HDLBP: variants seen among roughly 807,000 people sequenced by gnomAD.
HDLBP encodes vigilin.
HDLBP carries 30 observed loss-of-function variants against 137.3 expected under a neutral mutation model. The ratio of observed to expected loss-of-function variants is 0.22; its 90% CI spans 0.16 to 0.30. The LOEUF (loss-of-function observed/expected upper bound fraction) is 0.30. Ranked by LOEUF, HDLBP falls within the 10% of genes least tolerant of loss-of-function variation. The pLI, the probability that HDLBP is intolerant of heterozygous loss-of-function variation, is 1.00. For missense variants in HDLBP, 1,119 were observed against 1,667.3 expected, an observed-to-expected ratio of 0.67 and a Z score of 5.73; for synonymous variants, 606 against 596.0, an observed-to-expected ratio of 1.02 and a Z score of -0.24.
rs571924758 is a variant in HDLBP, at chr2:241,266,994, ACT to A, written c.-37-90_-37-89del. The A allele has an allele frequency of 2.4e-4, 233 of 982,238 alleles. 1 individual carries two copies. The African/African-American group carries it at 3.2e-3, about 13-fold the overall frequency. The allele number at this position is 982,238 out of a possible 1,614,324, so 60.8% of individuals were successfully genotyped here. A position where few individuals can be genotyped will look rare whatever the true frequency, so the allele number is the denominator to read the frequency against. ...AACCTAAGAGTTTTAGCAAAGTTTTACTCTCTTTTTTACCAGCAAACTATACC... is the reference window on the plus strand; with the variant it reads ...AACCTAAGAGTTTTAGCAAAGTTTTACTCTTTTTTACCAGCAAACTATACC... On this transcript the variant is annotated intron_variant, in intron 2 of 27. Coordinates refer to ENST00000310931, the MANE Select transcript of HDLBP (RefSeq NM_005336.6).
chr2:241,297,085 C>T (rs1393800089), intron 1 of HDLBP, among the ~76,000 whole-genome samples: 1 of 150,730 alleles, frequency 6.6e-6, no homozygotes, highest in African/African-American at 2.4e-5. Flanking sequence ...GATCAAGCTG[C>T]AAAAAGAGAG....
intron 23 of HDLBP, among the ~76,000 whole-genome samples, chr2:241,234,177 G>T (rs922211298): frequency 2.0e-5 from 3 of 152,214 alleles, no homozygotes; most frequent in South Asian, 2.1e-4. Flanking sequence ...CCACAAGGAG[G>T]TCTATAAATC....
Position 241,253,059 on chromosome 2 carries a change from A to G in HDLBP, c.1294-24T>C, listed in dbSNP as rs781577779. 1.5e-5 allele frequency: 23 copies of G among 1,564,764 alleles called. No individual in the cohort carries two copies. In the South Asian group the frequency reaches 2.4e-4, roughly 17 times the overall value. On this transcript the variant is annotated intron_variant, in intron 10 of 27. Transcript: ENST00000310931. ...ATCTGCAGGAGGAGCACAGAGGTCC[A>G]TGGATGCGCCTGGTTACTTGGCCAA... is the stretch of plus-strand genomic sequence containing the variant.
chr2:241,239,576 C>A lies in HDLBP; in HGVS notation c.2610+26G>T, dbSNP rs747707845. The A allele has an allele frequency of 6.3e-7, 1 of 1,599,024 alleles. No individual in the cohort carries two copies. The highest frequency in any genetic ancestry group is 1.1e-5 in the South Asian group (1 of 90,738). The stretch of plus-strand genomic sequence containing the variant: ...TGAGTGGCCACTGGGGGGTGAGAAC[C>A]CCTCCCCGAGCACCCAAGTGCCTAC... On this transcript the variant is annotated intron_variant, in intron 19 of 27. Transcript: ENST00000310931. The surrounding 1 kb of genome is among the most constrained non-coding windows in gnomAD (Gnocchi z 4.6).
chr2:241,246,168 T>G (rs1033443233), intron 16 of HDLBP, among the ~76,000 whole-genome samples: 2 of 150,496 alleles, frequency 1.3e-5, no homozygotes, highest in Admixed American at 1.3e-4. Flanking sequence ...ATGGGCCCAA[T>G]AAAGAGTAGA....
intron 3 of HDLBP, among the ~76,000 whole-genome samples, 200 bp from the exon 4 acceptor site, chr2:241,264,805 A>T (rs2073524687): frequency 6.6e-6 from 1 of 152,026 alleles, no homozygotes; most frequent in Non-Finnish European, 1.5e-5. Flanking sequence ...CCTGAGTGTG[A>T]GAGCTAGAGG....
Position 241,272,613 on chromosome 2 carries a change from CTGGGGCCCGGGTGGGGGCCGCGG to C in HDLBP, c.-102-4095_-102-4073del. ...GACACCCGCGGGCGGGGGCCGCAGCCTGGGGCCCGGGTGGGGGCCGCGGCACCCGGGCCCCTCCCCCTCCGCGG... is the reference window on the plus strand; with the variant it reads ...GACACCCGCGGGCGGGGGCCGCAGCCCACCCGGGCCCCTCCCCCTCCGCGG... On this transcript the variant is annotated intron_variant, in intron 1 of 27. Transcript: ENST00000310931. The surrounding 1 kb of genome is among the most constrained non-coding windows in gnomAD (Gnocchi z 5.6). 5.1e-6 allele frequency: 5 copies of C among 982,014 alleles called. No homozygotes were observed. Among genetic ancestry groups the C allele is most frequent in the Non-Finnish European group, 6.0e-6 (5 of 827,902 alleles). 60.8% of individuals were successfully genotyped at this position (982,014 alleles called of 1,614,324 possible). A position where few individuals can be genotyped will look rare whatever the true frequency, so the allele number is the denominator to read the frequency against.
In HDLBP at chr2:241,262,940, A is replaced by T. The variant is rs764030503; in HGVS notation, c.235-14T>A. On this transcript the variant is annotated splice_polypyrimidine_tract_variant and intron_variant, in intron 4 of 27. Transcript: ENST00000310931. ...TACATGGAACACCTGCTCAAAAAAG[A>T]TCAAAAAAGGAAAGGTTAAGAGATT... 6.3e-6 allele frequency: 10 copies of T among 1,598,728 alleles called. No homozygotes were observed. Among genetic ancestry groups the T allele is most frequent in the Non-Finnish European group, 7.7e-6 (9 of 1,166,296 alleles).
chr2:241,235,658 G>T, intron 21 of HDLBP, 64 bp from the exon 22 acceptor site: 1 of 1,139,568 alleles, frequency 8.8e-7, no homozygotes, highest in Non-Finnish European at 1.3e-6. Context: ...TGTAAGCTCA[G>T]CAATGGGGCT....
rs532145414 is a variant in HDLBP, at chr2:241,239,658, C to G, written c.2554G>C (p.Ala852Pro). ...TTGGCTGCCTCCACACAGTCCTTGG[C>G]GCCCTTGAGGGTGACTTTGTCGCTC... ...TQSDKVTLKG[A>P]KDCVEAAKKR... Residue 852 changes from alanine (A) to proline (P), a missense_variant, in exon 19 of 28, where the codon GCC (alanine) becomes CCC (proline). By Grantham distance (27) the Ala-to-Pro change is conservative. Around this residue, in one of 4 missense-constraint regions of HDLBP, gnomAD observed 618 missense variants for 816.7 expected, o/e 0.76. Coordinates refer to ENST00000310931, the MANE Select transcript of HDLBP (RefSeq NM_005336.6). This position sits in a 1 kb window ranked among gnomAD's most constrained non-coding sequence, Gnocchi z 4.6. The G allele has an allele frequency of 6.2e-7, 1 of 1,614,186 alleles. No homozygotes were observed. Among genetic ancestry groups the G allele is most frequent in the Admixed American group, 1.7e-5 (1 of 60,028 alleles).
intron 1 of HDLBP, chr2:241,273,311 T>G: frequency 1.1e-6 from 1 of 874,840 alleles, no homozygotes; most frequent in African/African-American, 1.8e-5. Context: ...CTCACTTTTA[T>G]AAACTATCCC....
In HDLBP at chr2:241,229,447, C is replaced by G; in HGVS notation, c.*154G>C. On this transcript the variant is annotated 3_prime_UTR_variant, in exon 28 of 28. Transcript: ENST00000310931. ...CCAGGCCTGGAGGAGCGGCCGCACA[C>G]ACAGCCAGGCGCTAGGCTCCCTGCG... 1.6e-6 allele frequency: 1 copy of G among 612,972 alleles called. No individual in the cohort carries two copies. The highest frequency in any genetic ancestry group is 2.9e-6 in the Non-Finnish European group (1 of 347,500). The allele number at this position is 612,972 out of a possible 1,614,324, so 38.0% of individuals were successfully genotyped here. A position where few individuals can be genotyped will look rare whatever the true frequency, so the allele number is the denominator to read the frequency against.
At chr2:241,262,634 G>A (rs192138889) in intron 5 of HDLBP, 77 bp downstream of exon 5, 26 of 1,130,840 alleles carry the variant, frequency 2.3e-5, no homozygotes, top group South Asian at 2.0e-4. Flanking sequence ...GTCCAGTGAC[G>A]TTCTAGCCTG....
intron 1 of HDLBP, among the ~76,000 whole-genome samples, chr2:241,285,686 A>G (rs781007776): frequency 6.6e-5 from 10 of 152,356 alleles, no homozygotes; most frequent in Non-Finnish European, 1.3e-4. Flanking sequence ...AAATTTATCT[A>G]TGGATATTAA....
At chr2:241,236,312 TC>T (rs1277148965) in intron 21 of HDLBP, 3 of 392,230 alleles carry the variant, frequency 7.6e-6, no homozygotes, top group Admixed American at 4.2e-5. Context: ...GTCACATTCA[TC>T]CCCCTGCAGC....
intron 1 of HDLBP, chr2:241,302,758 G>A (rs967975606): frequency 6.6e-6 from 1 of 152,170 alleles, no homozygotes; most frequent in African/African-American, 2.4e-5. Flanking sequence ...TCTCTCCAGA[G>A]TCTCCACATG....
At chr2:241,302,115 C>T (rs1559556096) in intron 1 of HDLBP, among the ~76,000 whole-genome samples, 1 of 151,770 alleles carries the variant, frequency 6.6e-6, no homozygotes, top group Non-Finnish European at 1.5e-5. Context: ...TTTAATTAGC[C>T]AGGTACAGTG....
chr2:241,254,393 T>C (rs979259716), intron 9 of HDLBP, among the ~76,000 whole-genome samples: 2 of 152,222 alleles, frequency 1.3e-5, no homozygotes, highest in Admixed American at 1.3e-4. Flanking sequence ...TTTTTGTTCA[T>C]GTTTCCTGGG....
chr2:241,243,351 G>A (rs999893775), intron 16 of HDLBP, among the ~76,000 whole-genome samples: 3 of 152,226 alleles, frequency 2.0e-5, no homozygotes, highest in Non-Finnish European at 1.5e-5. Flanking sequence ...AGAATCCCCA[G>A]AAGGATCACA....
Sources: gnomAD v4.1 joint callset for allele counts (sites outside exome capture counted in the v4.1 genomes callset) on GRCh38, gnomAD v4.1.1 for gene constraint, gnomAD v4.1.1 regional missense constraint, Gnocchi (gnomAD v3.1) non-coding constraint, MANE v1.5 for transcripts, NCBI Gene and HGNC (gene_info 2026-07-23, HGNC 2026-07-21) for gene names.